Variants in CREB5 observed in about 807,000 individuals in gnomAD.
CREB5 encodes cyclic AMP-responsive element-binding protein 5.
A neutral mutation model predicts 57.1 loss-of-function variants in CREB5; 19 were observed. The observed-to-expected ratio is 0.33, with a 90% CI of 0.23 to 0.49. The LOEUF (loss-of-function observed/expected upper bound fraction) is 0.49, where lower values mean the gene tolerates loss of function less well. Among genes scored for constraint, CREB5 ranks in the 20% least tolerant of loss-of-function variants. The pLI, the probability that CREB5 is intolerant of heterozygous loss-of-function variation, is 0.99. For synonymous variants in CREB5, 238 were observed against 238.3 expected (o/e 1.00, Z 0.01); for missense variants, 579 against 671.6 (o/e 0.86, Z 1.52).
At chr7:28,725,650 A>T (rs1487848571) in intron 7 of CREB5, among the ~76,000 whole-genome samples, 9 of 151,306 alleles carry the variant, frequency 5.9e-5, no homozygotes, top group Non-Finnish European at 1.3e-4. Flanking sequence ...TTTTTTAAAA[A>T]AAAAAAAAAA....
chr7:28,308,492 G>T (rs1228646220), intron 1 of CREB5, among the ~76,000 whole-genome samples: 4 of 152,188 alleles, frequency 2.6e-5, no homozygotes, highest in African/African-American at 9.7e-5. Context: ...TTTTGCAGAG[G>T]AGAAAACTGA....
intron 7 of CREB5, among the ~76,000 whole-genome samples, chr7:28,793,319 A>G (rs1240879247): frequency 6.6e-6 from 1 of 152,208 alleles, no homozygotes. Context: ...ACCAAGGGAC[A>G]AGACAATCTA....
chr7:28,334,569 C>T (rs10251129), intron 1 of CREB5, among the ~76,000 whole-genome samples: 117,865 of 152,182 alleles, frequency 0.77, 45,783 homozygotes, highest in African/African-American at 0.82. Context: ...TGTAGAGTTG[C>T]TTGAGCTCCT....
intron 4 of CREB5, among the ~76,000 whole-genome samples, chr7:28,532,569 G>A (rs1038013703): frequency 6.6e-5 from 10 of 152,074 alleles, no homozygotes; most frequent in African/African-American, 1.7e-4. Context: ...ACAGTGCCTC[G>A]GGTCTCGTGG....
At chr7:28,796,418 A>G (rs1808043942) in intron 7 of CREB5, among the ~76,000 whole-genome samples, 1 of 152,158 alleles carries the variant, frequency 6.6e-6, no homozygotes, top group Non-Finnish European at 1.5e-5. Flanking sequence ...TTTCATCAAA[A>G]GCTGATATTA....
chr7:28,508,374 T>A (rs1192876451), intron 4 of CREB5, among the ~76,000 whole-genome samples: 2 of 152,216 alleles, frequency 1.3e-5, no homozygotes, highest in Admixed American at 6.5e-5. Context: ...GTCAATGTGA[T>A]GAGGATGCTT....
chr7:28,446,718 G>T lies in CREB5; in HGVS notation c.3+33801G>T, dbSNP rs372142562. Among the ~76,000 whole-genome samples, 387 of 152,300 alleles carry T rather than the reference G, an allele frequency of 2.5e-3. 3 individuals carry two copies. In the Middle Eastern group the frequency reaches 0.031, roughly 12 times the overall value. Reference sequence around the variant, plus strand: ...GAGGCAGGAGACTGGCGTGAACCCGGGAGGTGGAGATTGCAGTGAGCCGAG... The same window carrying T: ...GAGGCAGGAGACTGGCGTGAACCCGTGAGGTGGAGATTGCAGTGAGCCGAG... On this transcript the variant is annotated intron_variant, in intron 1 of 10. Coordinates refer to ENST00000357727, the MANE Select transcript of CREB5 (RefSeq NM_182898.4).
At chr7:28,714,184 C>T (rs1480109539) in intron 5 of CREB5, among the ~76,000 whole-genome samples, 3 of 152,206 alleles carry the variant, frequency 2.0e-5, no homozygotes, top group African/African-American at 7.2e-5. Flanking sequence ...AGGCTGGTCT[C>T]GAACTCCTGG....
At chr7:28,509,395 C>A (rs1165131697) in intron 4 of CREB5, among the ~76,000 whole-genome samples, 1 of 152,168 alleles carries the variant, frequency 6.6e-6, no homozygotes, top group Non-Finnish European at 1.5e-5. Flanking sequence ...GTTTGCTTCC[C>A]CTGAGGAACT....
intron 7 of CREB5, among the ~76,000 whole-genome samples, chr7:28,799,664 T>C (rs1808253204): frequency 6.6e-6 from 1 of 152,194 alleles, no homozygotes; most frequent in African/African-American, 2.4e-5. Context: ...CCTACATAGA[T>C]TTTTTTATTT....
intron 1 of CREB5, among the ~76,000 whole-genome samples, chr7:28,453,768 A>T (rs1050575425): frequency 6.6e-6 from 1 of 152,228 alleles, no homozygotes; most frequent in African/African-American, 2.4e-5. Flanking sequence ...GGTATTTAAC[A>T]TCACCGATGA....
At chr7:28,598,817 C>T (rs772058723) in intron 5 of CREB5, among the ~76,000 whole-genome samples, 3 of 152,046 alleles carry the variant, frequency 2.0e-5, no homozygotes, top group East Asian at 1.9e-4. Flanking sequence ...GGGGGATGGA[C>T]GCGGGGGAGT....
chr7:28,427,974 A>G (rs1182256613), intron 1 of CREB5, among the ~76,000 whole-genome samples: 4 of 152,216 alleles, frequency 2.6e-5, no homozygotes, highest in African/African-American at 7.2e-5. Flanking sequence ...CTAATATAGT[A>G]GTAAGTGCTA....
chr7:28,507,501 G>A, intron 3 of CREB5, 115 bp from the exon 4 acceptor site: 1 of 1,222,516 alleles, frequency 8.2e-7, no homozygotes, highest in South Asian at 1.8e-5. Flanking sequence ...GAGACTGGAT[G>A]GCTAGTGGAC....
At chr7:28,547,614 T>G (rs1794468572) in intron 4 of CREB5, among the ~76,000 whole-genome samples, 1 of 152,210 alleles carries the variant, frequency 6.6e-6, no homozygotes, top group Non-Finnish European at 1.5e-5. Flanking sequence ...AAATAATTCC[T>G]TCACAGCAAT....
At chr7:28,548,415 G>A (rs1020684104) in intron 4 of CREB5, among the ~76,000 whole-genome samples, 1 of 152,124 alleles carries the variant, frequency 6.6e-6, no homozygotes, top group Non-Finnish European at 1.5e-5. Context: ...GTGTTAAACT[G>A]TCTCAGGCTT....
At chr7:28,623,719 T>C (rs1299025402) in intron 5 of CREB5, among the ~76,000 whole-genome samples, 2 of 152,256 alleles carry the variant, frequency 1.3e-5, no homozygotes, top group East Asian at 3.8e-4. Context: ...AGTCTCTTCA[T>C]GTCATGTTAA....
At chr7:28,689,802 A>G (rs1390356955) in intron 5 of CREB5, among the ~76,000 whole-genome samples, 2 of 152,064 alleles carry the variant, frequency 1.3e-5, no homozygotes, top group African/African-American at 4.8e-5. Flanking sequence ...TGAAGCACAA[A>G]AGCCTGTGTC....
chr7:28,418,350 CA>C (rs1239643911), intron 1 of CREB5, among the ~76,000 whole-genome samples: 4 of 152,080 alleles, frequency 2.6e-5, no homozygotes, highest in African/African-American at 9.7e-5. Flanking sequence ...CTAAAGGATG[CA>C]AAAAGTATAA....
Sources: allele counts gnomAD v4.1 joint callset (sites outside exome capture counted in the v4.1 genomes callset), GRCh38; gene constraint gnomAD v4.1.1; transcripts MANE v1.5; gene names NCBI Gene and HGNC (gene_info 2026-07-23, HGNC 2026-07-21).